The following HMCN2 variants were observed in gnomAD, a reference collection of about 807,000 sequenced individuals.
HMCN2 encodes the protein hemicentin-2.
A neutral mutation model predicts 377.5 loss-of-function variants in HMCN2; 325 were observed. That is an observed-to-expected ratio of 0.86 (90% CI 0.79 to 0.94). HMCN2 has a LOEUF of 0.94. HMCN2 is among the 40% of genes least tolerant of loss of function. The pLI, the probability that HMCN2 is intolerant of heterozygous loss-of-function variation, is 0.00. For missense variants in HMCN2, 4,543 were observed against 4,725.3 expected (o/e 0.96, Z 1.13); for synonymous variants, 2,007 against 2,046.8 (o/e 0.98, Z 0.53).
In HMCN2 at chr9:130,433,890, C is replaced by T. The variant is rs1400888331; in HGVS notation, c.*197C>T. The T allele has an allele frequency of 7.7e-6, 4 of 518,320 alleles. No homozygotes were observed. The highest frequency in any genetic ancestry group is 2.0e-5 in the African/African-American group (1 of 49,328). 32.1% of individuals were successfully genotyped at this position (518,320 alleles called of 1,614,324 possible). Reference sequence around the variant, plus strand: ...GAGGACCTGACCTCACAGAGGGAGGCGTCCAGGGCGGCCCTTGGGTGGCCA... The same window carrying T: ...GAGGACCTGACCTCACAGAGGGAGGTGTCCAGGGCGGCCCTTGGGTGGCCA... On this transcript the variant is annotated 3_prime_UTR_variant, in exon 98 of 98. Coordinates refer to ENST00000683500, the MANE Select transcript of HMCN2 (RefSeq NM_001291815.2).
In HMCN2 at chr9:130,360,305, T is replaced by G; in HGVS notation, c.5774-123T>G. On this transcript the variant is annotated intron_variant, in intron 37 of 97. Transcript: ENST00000683500. This position sits in a 1 kb window ranked among gnomAD's most constrained non-coding sequence, Gnocchi z 4.7. ...GCAGCACCCTTGCTTCTCTCTTCCA[T>G]TCCCCCTTGCATCTCTCTTCCTTTC... is the stretch of plus-strand genomic sequence containing the variant. The G allele has an allele frequency of 5.8e-5, 30 of 518,602 alleles. No homozygotes were observed. The highest frequency in any genetic ancestry group is 8.2e-5 in the Non-Finnish European group (28 of 341,736). The allele number at this position is 518,602 out of a possible 1,614,324, so 32.1% of individuals were successfully genotyped here. A position where few individuals can be genotyped will look rare whatever the true frequency, so the allele number is the denominator to read the frequency against.
chr9:130,403,306 G>A lies in HMCN2; in HGVS notation c.11991G>A (p.Lys3997=), dbSNP rs886749659. The A allele has an allele frequency of 7.0e-6, 9 of 1,289,790 alleles. No individual in the cohort carries two copies. The highest frequency in any genetic ancestry group is 9.1e-6 in the Non-Finnish European group (9 of 988,888). 79.9% of individuals were successfully genotyped at this position (1,289,790 alleles called of 1,614,324 possible). Reference sequence around the variant, plus strand: ...CCCGGCCGACCATCACCTGGCAGAAGGAAGGGCTCAACGTCGCTACTGGTG... The same window carrying A: ...CCCGGCCGACCATCACCTGGCAGAAAGAAGGGCTCAACGTCGCTACTGGTG... ...GIPRPTITWQ[K]EGLNVATGVS... The change falls in exon 79 of 98, where the codon AAG becomes AAA. Residue 3997 remains lysine (K), a synonymous_variant. Coordinates refer to ENST00000683500, the MANE Select transcript of HMCN2 (RefSeq NM_001291815.2).
chr9:130,404,032 T>G (rs1842974260), intron 80 of HMCN2, among the ~76,000 whole-genome samples, 157 bp downstream of exon 80: 1 of 152,222 alleles, frequency 6.6e-6, no homozygotes, highest in African/African-American at 2.4e-5. Context: ...AGTTCTGGTT[T>G]CAGACATAAA....
At chr9:130,395,414 C>T (rs778446960) in intron 71 of HMCN2, 67 bp downstream of exon 71, 36 of 1,206,576 alleles carry the variant, frequency 3.0e-5, no homozygotes, top group East Asian at 5.8e-5. Context: ...CTGACCTGGC[C>T]GGATCCAAGA....
chr9:130,358,599 T>A (rs1564813506), intron 36 of HMCN2, 113 bp downstream of exon 36: 1 of 957,562 alleles, frequency 1.0e-6, no homozygotes. Context: ...TCAGTCATAG[T>A]TGTGCACTTA....
chr9:130,291,112 G>A (rs1381197550), intron 4 of HMCN2, among the ~76,000 whole-genome samples: 1 of 152,136 alleles, frequency 6.6e-6, no homozygotes, highest in Non-Finnish European at 1.5e-5. Context: ...AGCTTTCCAG[G>A]AAGCGTTTCC....
rs1287431319 is a variant in HMCN2, at chr9:130,360,746, ATCC to A, written c.5950+143_5950+145del. 4 of 341,832 alleles carry A rather than the reference ATCC, an allele frequency of 1.2e-5. No homozygotes were observed. The highest frequency in any genetic ancestry group is 2.1e-5 in the Non-Finnish European group (4 of 186,744). The allele number at this position is 341,832 out of a possible 1,614,324, so 21.2% of individuals were successfully genotyped here. ...CCGTTACCCCATCCATCCATCATCCATCCAACCATCCATCCATCCATCCATCCA... is the reference window on the plus strand; with the variant it reads ...CCGTTACCCCATCCATCCATCATCCAAACCATCCATCCATCCATCCATCCA... On this transcript the variant is annotated intron_variant, in intron 38 of 97. Transcript: ENST00000683500. The surrounding 1 kb of genome is among the most constrained non-coding windows in gnomAD (Gnocchi z 4.7).
rs999131145 is a variant in HMCN2 at position 130,344,469 on chromosome 9, G to A, written c.3829+2033G>A. Among the ~76,000 whole-genome samples the A allele has an allele frequency of 6.6e-5, 10 of 151,644 alleles. No individual in the cohort carries two copies. In the South Asian group the frequency reaches 1.0e-3, roughly 16 times the overall value. On this transcript the variant is annotated intron_variant, in intron 25 of 97. Coordinates refer to ENST00000683500, the MANE Select transcript of HMCN2 (RefSeq NM_001291815.2). ...ATATATGGTGTTTGGTGTATGTTGTGTGTGTGGTGTGCATGGTGTTTGTGT... is the reference window on the plus strand; with the variant it reads ...ATATATGGTGTTTGGTGTATGTTGTATGTGTGGTGTGCATGGTGTTTGTGT...
rs1432109116 is a variant in HMCN2 at position 130,392,249 on chromosome 9, C to T, written c.10136+131C>T. On this transcript the variant is annotated intron_variant, in intron 66 of 97. Transcript: ENST00000683500. ...CTCCCCACCCCACAGCGAGTGTGGA[C>T]TGCGCCCCAGATGCTAATGCTAGGA... 22 of 596,862 alleles carry T rather than the reference C, an allele frequency of 3.7e-5. No individual in the cohort carries two copies. In the South Asian group the frequency reaches 1.5e-3, roughly 40 times the overall value. 37.0% of individuals were successfully genotyped at this position (596,862 alleles called of 1,614,324 possible).
intron 1 of HMCN2, among the ~76,000 whole-genome samples, chr9:130,284,210 T>G (rs1835293200): frequency 6.6e-6 from 1 of 152,154 alleles, no homozygotes; most frequent in Non-Finnish European, 1.5e-5. Flanking sequence ...AATGGATTGT[T>G]TGTTTGCTTC....
rs1231583766 is a variant in HMCN2, at chr9:130,403,792, G to T, written c.12065G>T (p.Ser4022Ile). 7.8e-7 allele frequency: 1 copy of T among 1,289,848 alleles called. No homozygotes were observed. Among genetic ancestry groups the T allele is most frequent in the Admixed American group, 2.3e-5 (1 of 43,570 alleles). The allele number at this position is 1,289,848 out of a possible 1,614,324, so 79.9% of individuals were successfully genotyped here. A position where few individuals can be genotyped will look rare whatever the true frequency, so the allele number is the denominator to read the frequency against. The change falls in exon 80 of 98, where the codon AGC becomes ATC. Residue 4022 changes from serine (S) to isoleucine (I), a missense_variant. Ser to Ile is a moderately radical substitution (Grantham distance 142, BLOSUM62 -2). Coordinates refer to ENST00000683500, the MANE Select transcript of HMCN2 (RefSeq NM_001291815.2). ...GGACAGCTGCGGATTGCCCATGCCA[G>T]CCCAGAGGATGCTGGAAACTATCTC... ...PGGQLRIAHA[S>I]PEDAGNYLCI...
In HMCN2 at chr9:130,433,523, G is replaced by A. The variant is rs753844533; in HGVS notation, c.15070G>A (p.Asp5024Asn). 3 of 1,484,164 alleles carry A rather than the reference G, an allele frequency of 2.0e-6. No homozygotes were observed. The highest frequency in any genetic ancestry group is 2.6e-5 in the South Asian group (2 of 76,952). 91.9% of individuals were successfully genotyped at this position (1,484,164 alleles called of 1,614,324 possible). A position where few individuals can be genotyped will look rare whatever the true frequency, so the allele number is the denominator to read the frequency against. The change falls in exon 98 of 98, where the codon GAC becomes AAC. Residue 5024 changes from aspartate (D) to asparagine (N), a missense_variant. Asp to Asn is a conservative substitution (Grantham distance 23). Coordinates refer to ENST00000683500, the MANE Select transcript of HMCN2 (RefSeq NM_001291815.2). ...CACCGAGCTCAGCATGCTGGAGCCC[G>A]ACCCCCGCAGCCCCTTCGCGCTGCG... ...NRTELSMLEP[D>N]PRSPFALRPL...
rs1840465016 is a variant in HMCN2 at position 130,362,945 on chromosome 9, A to C, written c.6187A>C (p.Ser2063Arg). The C allele has an allele frequency of 5.1e-6, 5 of 985,698 alleles. No individual in the cohort carries two copies. Among genetic ancestry groups the C allele is most frequent in the Non-Finnish European group, 6.0e-6 (5 of 829,972 alleles). The allele number at this position is 985,698 out of a possible 1,614,324, so 61.1% of individuals were successfully genotyped here. The change falls in exon 40 of 98, where the codon AGC becomes CGC. Residue 2063 changes from serine (S) to arginine (R), a missense_variant. Transcript: ENST00000683500. ...TGGGAGGTACTCCTGCGTGGCTGTG[A>C]GCGCGGTGGGCGAGGACCGCCAGGA... The part of the protein sequence containing the change: ...DSGRYSCVAV[S>R]AVGEDRQDVV...
At position 130,391,004 on chromosome 9, in the gene HMCN2, C is replaced by G. The variant is rs1043886485; in HGVS notation, c.9551C>G (p.Ser3184Cys). 3 of 987,314 alleles carry G rather than the reference C, an allele frequency of 3.0e-6. No individual in the cohort carries two copies. Among genetic ancestry groups the G allele is most frequent in the Non-Finnish European group, 1.2e-6 (1 of 830,202 alleles). 61.2% of individuals were successfully genotyped at this position (987,314 alleles called of 1,614,324 possible). A position where few individuals can be genotyped will look rare whatever the true frequency, so the allele number is the denominator to read the frequency against. Residue 3184 changes from serine to cysteine, a missense_variant, in exon 63 of 98, where the codon TCC becomes TGC. Coordinates refer to ENST00000683500, the MANE Select transcript of HMCN2 (RefSeq NM_001291815.2). ...VESSAVHGVVSRGGRLQLSRL... is the reference protein window; with the variant it reads ...VESSAVHGVVCRGGRLQLSRL... The stretch of plus-strand genomic sequence containing the variant: ...AGCAGCGCGGTGCACGGTGTGGTCT[C>G]CCGGGGGGGCCGCCTCCAGCTGAGC...
intron 62 of HMCN2, among the ~76,000 whole-genome samples, chr9:130,389,154 T>G (rs778261626): frequency 1.7e-4 from 26 of 152,036 alleles, no homozygotes; most frequent in African/African-American, 5.3e-4. Flanking sequence ...GCCAGCCACC[T>G]CTCCCTGCCC....
intron 19 of HMCN2, among the ~76,000 whole-genome samples, chr9:130,324,254 G>C (rs982430615): frequency 0.011 from 1,612 of 152,246 alleles, 29 homozygotes; most frequent in African/African-American, 0.037. Context: ...GGACTTCATA[G>C]AAGTGGAATC....
intron 85 of HMCN2, among the ~76,000 whole-genome samples, chr9:130,416,172 T>C (rs1299564931): frequency 6.7e-6 from 1 of 149,508 alleles, no homozygotes; most frequent in East Asian, 2.0e-4. Context: ...TGGCGCGATC[T>C]CGGCTCACTG....
At chr9:130,274,685 G>GT (rs1229620926) in intron 1 of HMCN2, among the ~76,000 whole-genome samples, 1 of 152,172 alleles carries the variant, frequency 6.6e-6, no homozygotes, top group African/African-American at 2.4e-5. Context: ...TTGTGTGCAT[G>GT]TATGTGTATA....
Position 130,368,305 on chromosome 9 carries a change from C to T in HMCN2, c.6655C>T (p.Leu2219Phe). ...ACCCCTCCCCGGGGAGGGGGCTGGC[C>T]TCCAGCACGTGTCGGCTGTGGGGAG... ...GQPLPGEGAG[L>F]QHVSAVGRLL... Residue 2219 changes from leucine (L) to phenylalanine (F), a missense_variant, in exon 44 of 98, where the codon CTC becomes TTC. Physicochemically the swap from Leu to Phe is conservative, Grantham distance 22. Transcript: ENST00000683500. The T allele has an allele frequency of 2.0e-6, 2 of 985,768 alleles. No homozygotes were observed. Among genetic ancestry groups the T allele is most frequent in the Non-Finnish European group, 2.4e-6 (2 of 829,924 alleles). The allele number at this position is 985,768 out of a possible 1,614,324, so 61.1% of individuals were successfully genotyped here.
Sources: gnomAD v4.1 joint callset for allele counts (sites outside exome capture counted in the v4.1 genomes callset) on GRCh38, gnomAD v4.1.1 for gene constraint, Gnocchi (gnomAD v3.1) non-coding constraint, MANE v1.5 for transcripts, NCBI Gene and HGNC (gene_info 2026-07-23, HGNC 2026-07-21) for gene names.